The following BMPR1B variants were observed in gnomAD, a reference collection of about 807,000 sequenced individuals.
BMPR1B encodes bone morphogenetic protein receptor type 1B, also known as bone morphogenetic protein receptor type-1B.
BMPR1B carries 12 observed loss-of-function variants against 59.1 expected under a neutral mutation model. That is an observed-to-expected ratio of 0.20 (90% CI 0.13 to 0.33). BMPR1B has a LOEUF of 0.33. Among genes scored for constraint, BMPR1B ranks in the 10% least tolerant of loss-of-function variants. BMPR1B has a pLI of 1.00. For synonymous variants in BMPR1B, 237 were observed against 207.3 expected, an observed-to-expected ratio of 1.14 and a Z score of -1.23; for missense variants, 550 against 610.9, an observed-to-expected ratio of 0.90 and a Z score of 1.05.
At chr4:94,888,008 A>G (rs1578764203) in intron 2 of BMPR1B, among the ~76,000 whole-genome samples, 1 of 152,048 alleles carries the variant, frequency 6.6e-6, no homozygotes, top group East Asian at 1.9e-4. Flanking sequence ...GTCATCTACC[A>G]AAGGAAAATA....
At chr4:95,091,123 T>G in intron 3 of BMPR1B, among the ~76,000 whole-genome samples, 1 of 152,292 alleles carries the variant, frequency 6.6e-6, no homozygotes, top group East Asian at 1.9e-4. Flanking sequence ...GATTTCTAGA[T>G]ATTTAAATGA....
chr4:94,761,597 T>G (rs1721775607), intron 1 of BMPR1B, among the ~76,000 whole-genome samples: 1 of 152,180 alleles, frequency 6.6e-6, no homozygotes, highest in Non-Finnish European at 1.5e-5. Context: ...GACTTCCTGG[T>G]AAGCTTTTGT....
intron 4 of BMPR1B, among the ~76,000 whole-genome samples, chr4:95,108,585 A>G (rs772758722): frequency 2.0e-5 from 3 of 152,218 alleles, no homozygotes; most frequent in Non-Finnish European, 2.9e-5. Flanking sequence ...TAATTACTCT[A>G]TCAGCCTTCG....
At chr4:94,931,299 G>C (rs1398147171) in intron 2 of BMPR1B, among the ~76,000 whole-genome samples, 1 of 152,016 alleles carries the variant, frequency 6.6e-6, no homozygotes, top group African/African-American at 2.4e-5. Context: ...GCAAAATATT[G>C]TCAAAAAATT....
rs531619795 is a variant in BMPR1B, at chr4:95,152,701, T to C, written c.1311T>C (p.Tyr437=). Residue 437 remains tyrosine (Y), a synonymous_variant, in exon 12 of 13, where the codon TAT becomes TAC. Coordinates refer to ENST00000515059, the MANE Select transcript of BMPR1B (RefSeq NM_001203.3). ...YHDLVPSDPS[Y]EDMREIVCIK... ...ACCTAGTGCCCAGTGACCCCTCTTA[T>C]GAGGACATGAGGGAGATTGTGTGCA... 3 of 1,599,140 alleles carry C rather than the reference T, an allele frequency of 1.9e-6. No homozygotes were observed. The highest frequency in any genetic ancestry group is 2.3e-5 in the South Asian group (2 of 88,030).
intron 2 of BMPR1B, among the ~76,000 whole-genome samples, chr4:94,934,980 A>T (rs1729236590): frequency 6.6e-6 from 1 of 152,192 alleles, no homozygotes; most frequent in African/African-American, 2.4e-5. Flanking sequence ...AATAGTGTGT[A>T]GTGTGTTTTC....
chr4:95,088,043 C>G (rs1010218701), intron 3 of BMPR1B, among the ~76,000 whole-genome samples: 1 of 152,086 alleles, frequency 6.6e-6, no homozygotes, highest in African/African-American at 2.4e-5. Flanking sequence ...GTTGAATTTT[C>G]TGTTTTAACT....
chr4:94,800,853 A>G (rs1172126644), intron 1 of BMPR1B, among the ~76,000 whole-genome samples: 1 of 152,232 alleles, frequency 6.6e-6, no homozygotes, highest in Non-Finnish European at 1.5e-5. Flanking sequence ...ACAAAGGTTT[A>G]TATAAAAACA....
At chr4:94,879,851 T>C (rs1726887802) in intron 2 of BMPR1B, among the ~76,000 whole-genome samples, 1 of 152,142 alleles carries the variant, frequency 6.6e-6, no homozygotes. Flanking sequence ...ATACAAAGTT[T>C]GATACTTTAA....
intron 1 of BMPR1B, among the ~76,000 whole-genome samples, chr4:94,861,146 C>T (rs1725962331): frequency 6.6e-6 from 1 of 152,142 alleles, no homozygotes; most frequent in South Asian, 2.1e-4. Flanking sequence ...AAGGATGCTG[C>T]TGCTAAGGTG....
At chr4:94,804,590 C>CTTTTT (rs5860375) in intron 1 of BMPR1B, among the ~76,000 whole-genome samples, 16 of 121,566 alleles carry the variant, frequency 1.3e-4, no homozygotes, top group South Asian at 5.2e-4. Context: ...CTTTGTAATA[C>CTTTTT]TTTTTTTTTT....
chr4:94,843,786 C>T (rs1725199307), intron 1 of BMPR1B, among the ~76,000 whole-genome samples: 2 of 152,048 alleles, frequency 1.3e-5, no homozygotes, highest in Non-Finnish European at 2.9e-5. Flanking sequence ...GAGCCGTTTC[C>T]TCTGTTCTCA....
intron 3 of BMPR1B, among the ~76,000 whole-genome samples, chr4:95,103,909 A>G (rs1175424466): frequency 6.6e-6 from 1 of 151,950 alleles, no homozygotes; most frequent in Admixed American, 6.6e-5. Context: ...AGAAGTACAT[A>G]ATATACATAA....
chr4:95,136,622 T>C (rs1733810176), intron 10 of BMPR1B, among the ~76,000 whole-genome samples: 1 of 152,194 alleles, frequency 6.6e-6, no homozygotes, highest in Non-Finnish European at 1.5e-5. Context: ...TTCAGCTTCT[T>C]CCTGGTTTAG....
At chr4:95,016,406 TAATAG>T (rs1177725304) in intron 3 of BMPR1B, among the ~76,000 whole-genome samples, 3 of 152,208 alleles carry the variant, frequency 2.0e-5, no homozygotes, top group African/African-American at 7.2e-5. Flanking sequence ...AAGTAGAAGA[TAATAG>T]AATAGATTGT....
chr4:94,965,282 G>C (rs1177927228), intron 2 of BMPR1B, among the ~76,000 whole-genome samples: 2 of 152,008 alleles, frequency 1.3e-5, no homozygotes, highest in Non-Finnish European at 2.9e-5. Context: ...ACCTTAGTTA[G>C]CTTTATCTGC....
chr4:94,940,454 C>G (rs1223222194), intron 2 of BMPR1B, among the ~76,000 whole-genome samples: 1 of 152,154 alleles, frequency 6.6e-6, no homozygotes, highest in Non-Finnish European at 1.5e-5. Context: ...CAGTATGACA[C>G]AGTCCTTGGG....
At chr4:94,861,421 G>A (rs558943091) in intron 1 of BMPR1B, among the ~76,000 whole-genome samples, 109 of 152,292 alleles carry the variant, frequency 7.2e-4, no homozygotes, top group African/African-American at 2.5e-3. Context: ...TTCTGACTCA[G>A]TATGATGTTT....
intron 2 of BMPR1B, among the ~76,000 whole-genome samples, chr4:94,923,181 C>T (rs1370821754): frequency 6.6e-6 from 1 of 152,066 alleles, no homozygotes; most frequent in Non-Finnish European, 1.5e-5. Context: ...GAATGTCCTT[C>T]TCTTCATTTT....
Sources: allele counts gnomAD v4.1 joint callset (sites outside exome capture counted in the v4.1 genomes callset), GRCh38; gene constraint gnomAD v4.1.1; transcripts MANE v1.5; gene names NCBI Gene and HGNC (gene_info 2026-07-23, HGNC 2026-07-21).